TLE3: variants seen among roughly 807,000 people sequenced by gnomAD.
The protein encoded by TLE3 is transducin-like enhancer protein 3.
TLE3 carries 14 observed loss-of-function variants against 93.0 expected under a neutral mutation model. The observed-to-expected ratio is 0.15, with a 90% CI of 0.10 to 0.24. The LOEUF (loss-of-function observed/expected upper bound fraction) is 0.24, where lower values mean the gene tolerates loss of function less well. Ranked by LOEUF, TLE3 falls within the 10% of genes least tolerant of loss-of-function variation. The probability of loss-of-function intolerance (pLI) is 1.00; values close to 1 mark genes in which losing one functional copy is unlikely to be tolerated. For synonymous variants in TLE3, 451 were observed against 425.0 expected (o/e 1.06, Z -0.75); for missense variants, 693 against 1,046.6 (o/e 0.66, Z 4.66).
intron 8 of TLE3, among the ~76,000 whole-genome samples, chr15:70,062,434 G>A (rs370437450): frequency 5.9e-5 from 9 of 152,214 alleles, no homozygotes; most frequent in African/African-American, 2.2e-4. Context: ...CCGGTGCTCG[G>A]CTCGGGAGAA....
At chr15:70,064,904 TAAAAAA>T (rs36022217) in intron 7 of TLE3, among the ~76,000 whole-genome samples, 3 of 137,948 alleles carry the variant, frequency 2.2e-5, no homozygotes, top group Admixed American at 7.2e-5. Context: ...ACTTTATTGT[TAAAAAA>T]AAAAAAAAAA....
At chr15:70,078,690 G>A (rs1157767526) in intron 4 of TLE3, among the ~76,000 whole-genome samples, 1 of 152,182 alleles carries the variant, frequency 6.6e-6, no homozygotes, top group Non-Finnish European at 1.5e-5. Flanking sequence ...TCACCAACGG[G>A]GTGGGGTGGC....
chr15:70,061,304 C>T (rs1195905745), intron 8 of TLE3, among the ~76,000 whole-genome samples: 2 of 152,088 alleles, frequency 1.3e-5, no homozygotes, highest in African/African-American at 4.8e-5. Flanking sequence ...CTCTGACAGA[C>T]AGGGAAAGGA....
rs1376567911 is a variant in TLE3, at chr15:70,095,623, G to A, written c.144C>T (p.Asp48=). 6.4e-7 allele frequency: 1 copy of A among 1,551,574 alleles called. No individual in the cohort carries two copies. The highest frequency in any genetic ancestry group is 1.2e-5 in the South Asian group (1 of 84,074). Residue 48 remains aspartate, a synonymous_variant, in exon 3 of 20, where the codon GAC becomes GAT. Coordinates refer to ENST00000451782, the MANE Select transcript of TLE3 (RefSeq NM_001105192.3). The part of the protein sequence containing the change: ...AQYHSLKVEY[D]KLANEKTEMQ... ...TCTCCGTCTTCTCGTTTGCCAGCTT[G>A]TCGTACTCCACTTTGAGGCTGCGAG...
At chr15:70,073,557 A>C (rs1022216144) in intron 6 of TLE3, among the ~76,000 whole-genome samples, 3 of 152,232 alleles carry the variant, frequency 2.0e-5, no homozygotes, top group African/African-American at 4.8e-5. Context: ...CGTTAGGAAC[A>C]CAGATTTCCA....
intron 8 of TLE3, among the ~76,000 whole-genome samples, chr15:70,063,090 T>A (rs2056596379): frequency 1.3e-5 from 2 of 152,270 alleles, no homozygotes; most frequent in South Asian, 4.1e-4. Flanking sequence ...AGCCAGGTAA[T>A]CTGGATCCTC....
chr15:70,050,306 C>T (rs932776702), intron 19 of TLE3, 102 bp from the exon 20 acceptor site: 8 of 903,700 alleles, frequency 8.9e-6, no homozygotes, highest in Non-Finnish European at 5.5e-6. Context: ...TCGGTTCTCT[C>T]GGCAACAATT....
chr15:70,086,648 T>C (rs1299329405), intron 4 of TLE3, among the ~76,000 whole-genome samples: 2 of 152,172 alleles, frequency 1.3e-5, no homozygotes, highest in Admixed American at 6.5e-5. Context: ...CCTGCGGTAG[T>C]TTTCATTCAA....
chr15:70,086,874 T>G (rs1263887235), intron 4 of TLE3, among the ~76,000 whole-genome samples: 2 of 147,530 alleles, frequency 1.4e-5, no homozygotes, highest in East Asian at 3.9e-4. Flanking sequence ...CACCCTGCCT[T>G]CTTCCCCTTT....
intron 4 of TLE3, among the ~76,000 whole-genome samples, chr15:70,084,478 G>A (rs11858463): frequency 6.6e-6 from 1 of 152,132 alleles, no homozygotes; most frequent in Non-Finnish European, 1.5e-5. Flanking sequence ...ACTGAATTCT[G>A]AAAGGTTTCA....
intron 4 of TLE3, among the ~76,000 whole-genome samples, chr15:70,093,412 G>A (rs2058394251): frequency 6.6e-6 from 1 of 152,158 alleles, no homozygotes; most frequent in Admixed American, 6.5e-5. Flanking sequence ...ACCTGCCCTG[G>A]GTCCTGCCTC....
chr15:70,076,806 G>C (rs1276255863), intron 4 of TLE3, among the ~76,000 whole-genome samples: 13 of 151,890 alleles, frequency 8.6e-5, no homozygotes, highest in Admixed American at 7.9e-4. Flanking sequence ...CTGCAGCCTC[G>C]ACTTCCTGGG....
intron 4 of TLE3, among the ~76,000 whole-genome samples, chr15:70,078,545 G>A (rs1390140020): frequency 6.6e-6 from 1 of 152,262 alleles, no homozygotes; most frequent in Non-Finnish European, 1.5e-5. Flanking sequence ...TGGCATCTCT[G>A]CATTTATTGA....
At chr15:70,091,493 T>C (rs1358001975) in intron 4 of TLE3, among the ~76,000 whole-genome samples, 1 of 152,328 alleles carries the variant, frequency 6.6e-6, no homozygotes, top group African/African-American at 2.4e-5. Flanking sequence ...TGAACCACCC[T>C]TGACATTCTG....
intron 15 of TLE3, 78 bp from the exon 16 acceptor site, chr15:70,054,763 G>A (rs1001065458): frequency 6.2e-6 from 9 of 1,463,310 alleles, no homozygotes; most frequent in South Asian, 4.3e-5. Context: ...CAGCAACACC[G>A]AGCACCCTCA....
intron 16 of TLE3, chr15:70,054,023 C>T (rs967559757): frequency 5.9e-5 from 10 of 168,834 alleles, no homozygotes; most frequent in Admixed American, 1.8e-4. Flanking sequence ...AGGGGTTCAG[C>T]GACTTGCACT....
At chr15:70,061,887 T>C (rs1274153642) in intron 8 of TLE3, among the ~76,000 whole-genome samples, 2 of 152,092 alleles carry the variant, frequency 1.3e-5, no homozygotes, top group Non-Finnish European at 2.9e-5. Flanking sequence ...CAGGAGGTCA[T>C]ATGGAGACCC....
chr15:70,065,969 G>GGCCACCCCCGGCCCCCCC, intron 7 of TLE3, 45 bp downstream of exon 7: 1 of 1,294,406 alleles, frequency 7.7e-7, no homozygotes, highest in Non-Finnish European at 1.1e-6. Flanking sequence ...GAGCGCCCAT[G>GGCCACCCCCGGCCCCCCC]CCCACCCCTG....
At chr15:70,089,962 C>T (rs1433561436) in intron 4 of TLE3, among the ~76,000 whole-genome samples, 2 of 152,186 alleles carry the variant, frequency 1.3e-5, no homozygotes, top group Admixed American at 1.3e-4. Flanking sequence ...GAGCCAGGTT[C>T]CCACCCGTTG....
Sources: allele counts gnomAD v4.1 joint callset (sites outside exome capture counted in the v4.1 genomes callset), GRCh38; gene constraint gnomAD v4.1.1; transcripts MANE v1.5; gene names NCBI Gene and HGNC (gene_info 2026-07-23, HGNC 2026-07-21).